Variants in FTO observed in about 807,000 individuals in gnomAD.
The protein encoded by FTO is FTO alpha-ketoglutarate dependent dioxygenase.
Under a neutral mutation model 63.9 loss-of-function variants are expected in FTO, and 47 were observed. The ratio of observed to expected loss-of-function variants is 0.74; its 90% CI spans 0.58 to 0.94. The LOEUF is 0.94. Ranked by LOEUF, FTO falls within the 40% of genes least tolerant of loss-of-function variation. FTO has a pLI of 0.00. For synonymous variants in FTO, 207 were observed against 224.4 expected, an observed-to-expected ratio of 0.92 and a Z score of 0.69; for missense variants, 562 against 618.1, an observed-to-expected ratio of 0.91 and a Z score of 0.96.
intron 2 of FTO, among the ~76,000 whole-genome samples, chr16:53,813,812 T>A (rs569472204): frequency 6.6e-6 from 1 of 152,284 alleles, no homozygotes; most frequent in Admixed American, 6.5e-5. Context: ...ACAGCCTCAT[T>A]CATTGTATTC....
intron 8 of FTO, among the ~76,000 whole-genome samples, chr16:53,995,615 T>C (rs2143945648): frequency 6.6e-6 from 1 of 152,302 alleles, no homozygotes; most frequent in Admixed American, 6.5e-5. Flanking sequence ...TTTACTAAAA[T>C]GAAACATGAT....
intron 7 of FTO, among the ~76,000 whole-genome samples, chr16:53,908,636 T>A (rs1442985705): frequency 2.0e-5 from 3 of 152,196 alleles, no homozygotes; most frequent in African/African-American, 7.2e-5. Flanking sequence ...GGCCCGTGGG[T>A]ACTTTGGCAC....
At chr16:53,808,053 C>G (rs1306362272) in intron 1 of FTO, among the ~76,000 whole-genome samples, 2 of 151,956 alleles carry the variant, frequency 1.3e-5, no homozygotes, top group African/African-American at 4.8e-5. Context: ...TTCTGTAATC[C>G]CAGCACTTTG....
chr16:53,773,156 G>C (rs913925288), intron 1 of FTO, among the ~76,000 whole-genome samples: 2 of 151,624 alleles, frequency 1.3e-5, no homozygotes, highest in African/African-American at 4.8e-5. Flanking sequence ...GAAAGGCCAA[G>C]GTAGGGAGAA....
chr16:54,060,804 G>A (rs2085551951), intron 8 of FTO, among the ~76,000 whole-genome samples: 1 of 152,188 alleles, frequency 6.6e-6, no homozygotes, highest in East Asian at 1.9e-4. Flanking sequence ...CGGCAGCAAA[G>A]CACCACTCCC....
intron 2 of FTO, among the ~76,000 whole-genome samples, chr16:53,819,672 CATCT>C (rs2078797725): frequency 6.6e-6 from 1 of 152,066 alleles, no homozygotes; most frequent in African/African-American, 2.4e-5. Context: ...CAGATATTCA[CATCT>C]ATCAATCTTC....
chr16:54,112,076 T>G lies in FTO; in HGVS notation c.*161T>G, dbSNP rs1308186720. 1 of 731,056 alleles carries G rather than the reference T, an allele frequency of 1.4e-6. No individual in the cohort carries two copies. Among genetic ancestry groups the G allele is most frequent in the Admixed American group, 2.2e-5 (1 of 44,670 alleles). The allele number at this position is 731,056 out of a possible 1,614,324, so 45.3% of individuals were successfully genotyped here. On this transcript the variant is annotated 3_prime_UTR_variant, in exon 9 of 9. Coordinates refer to ENST00000471389, the MANE Select transcript of FTO (RefSeq NM_001080432.3). The stretch of plus-strand genomic sequence containing the variant: ...CTAGGAAATGGTGCCCATGAAGTTT[T>G]AAATGTTTTAAAATGACCCTGTGTT...
At chr16:53,824,717 C>T (rs1008268571) in intron 2 of FTO, among the ~76,000 whole-genome samples, 3 of 152,082 alleles carry the variant, frequency 2.0e-5, no homozygotes, top group African/African-American at 7.2e-5. Context: ...TGGTGGGCAA[C>T]ACAATACAGG....
At chr16:53,918,562 A>G (rs565253597) in intron 7 of FTO, among the ~76,000 whole-genome samples, 4 of 152,360 alleles carry the variant, frequency 2.6e-5, no homozygotes, top group African/African-American at 9.6e-5. Context: ...ATGATAGGCA[A>G]GGAACAGGAC....
intron 8 of FTO, among the ~76,000 whole-genome samples, chr16:54,029,986 A>T (rs1043753085): frequency 6.6e-6 from 1 of 152,152 alleles, no homozygotes; most frequent in East Asian, 1.9e-4. Flanking sequence ...ATATAATTCA[A>T]CTCAACACTT....
chr16:54,073,992 TG>T (rs1479912343), intron 8 of FTO, among the ~76,000 whole-genome samples: 1 of 152,188 alleles, frequency 6.6e-6, no homozygotes, highest in Non-Finnish European at 1.5e-5. Flanking sequence ...TGTTATGTTT[TG>T]GGTGTCTTAT....
chr16:54,105,278 A>G (rs553201335), intron 8 of FTO, among the ~76,000 whole-genome samples: 5 of 152,368 alleles, frequency 3.3e-5, no homozygotes, highest in African/African-American at 1.2e-4. Context: ...ATCTGACATA[A>G]TAATAGTCCT....
chr16:54,092,465 TC>T (rs1338455806), intron 8 of FTO, among the ~76,000 whole-genome samples: 1 of 151,842 alleles, frequency 6.6e-6, no homozygotes, highest in Non-Finnish European at 1.5e-5. Flanking sequence ...AAGAACAGAG[TC>T]TCTACCAAAT....
chr16:53,830,980 T>C (rs751829630), intron 3 of FTO, among the ~76,000 whole-genome samples: 13 of 152,176 alleles, frequency 8.5e-5, no homozygotes, highest in South Asian at 2.1e-4. Context: ...CTGTTGAGCA[T>C]GTGATAGGCT....
chr16:53,765,080 C>T (rs189231834), intron 1 of FTO, among the ~76,000 whole-genome samples: 3 of 152,188 alleles, frequency 2.0e-5, no homozygotes, highest in Non-Finnish European at 2.9e-5. Flanking sequence ...ATTGCTATTA[C>T]TTTTAGCATG....
At chr16:54,025,196 A>G (rs2084686274) in intron 8 of FTO, among the ~76,000 whole-genome samples, 1 of 152,246 alleles carries the variant, frequency 6.6e-6, no homozygotes, top group Non-Finnish European at 1.5e-5. Context: ...ACTGCACACT[A>G]TAAGGGGAAG....
chr16:53,745,650 A>G (rs1004696118), intron 1 of FTO, among the ~76,000 whole-genome samples: 3 of 152,196 alleles, frequency 2.0e-5, no homozygotes, highest in African/African-American at 7.2e-5. Flanking sequence ...AGGATCCCAG[A>G]GGAGGATGGT....
chr16:54,071,175 G>A (rs2085857998), intron 8 of FTO: 1 of 152,240 alleles, frequency 6.6e-6, no homozygotes, highest in African/African-American at 2.4e-5. Context: ...AGGGTGTCAA[G>A]ATATCAGTGT....
At chr16:54,069,890 G>A (rs910642736) in intron 8 of FTO, 1 of 152,126 alleles carries the variant, frequency 6.6e-6, no homozygotes, top group East Asian at 1.9e-4. Context: ...TAGGAAGAAG[G>A]GCCATGGAGT....
Sources: gnomAD v4.1 joint callset for allele counts (sites outside exome capture counted in the v4.1 genomes callset) on GRCh38, gnomAD v4.1.1 for gene constraint, MANE v1.5 for transcripts, NCBI Gene and HGNC (gene_info 2026-07-23, HGNC 2026-07-21) for gene names.